Variants in CAMK1D observed in about 807,000 individuals in gnomAD.
CAMK1D encodes calcium/calmodulin dependent protein kinase ID.
A neutral mutation model predicts 47.7 loss-of-function variants in CAMK1D; 9 were observed. The ratio of observed to expected loss-of-function variants is 0.19; its 90% confidence interval spans 0.11 to 0.33. The LOEUF is 0.33. Ranked by LOEUF, CAMK1D falls within the 10% of genes least tolerant of loss-of-function variation. The pLI is 1.00. For missense variants in CAMK1D, 291 were observed against 488.7 expected (o/e 0.60, Z 3.81); for synonymous variants, 184 against 184.9 (o/e 0.99, Z 0.04).
Position 12,534,061 on chromosome 10 carries a change from T to C in CAMK1D, c.93-19164T>C, listed in dbSNP as rs144820653. On this transcript the variant is annotated intron_variant, in intron 1 of 10. Coordinates refer to ENST00000619168, the MANE Select transcript of CAMK1D (RefSeq NM_153498.4). ...GTTGCCTGGAGTGTCATTGGCTACC[T>C]CCAGCTGAAAGGGAATTTTGGGGAC... Among the ~76,000 whole-genome samples the C allele has an allele frequency of 3.5e-4, 54 of 152,298 alleles. 1 individual carries two copies. In the East Asian group the frequency reaches 8.7e-3, roughly 24 times the overall value.
intron 2 of CAMK1D, among the ~76,000 whole-genome samples, chr10:12,583,318 C>T (rs12264854): frequency 0.031 from 4,774 of 151,970 alleles, 246 homozygotes; most frequent in African/African-American, 0.11. Flanking sequence ...TAGTGTGTGA[C>T]GTAAAAGAAA....
intron 1 of CAMK1D, among the ~76,000 whole-genome samples, chr10:12,407,523 A>T (rs1488661523): frequency 6.6e-6 from 1 of 152,066 alleles, no homozygotes; most frequent in East Asian, 1.9e-4. Context: ...CCTTCTCTCC[A>T]GCTCCCTCCT....
intron 3 of CAMK1D, among the ~76,000 whole-genome samples, chr10:12,735,009 C>T (rs1469369713): frequency 6.6e-6 from 1 of 152,172 alleles, no homozygotes; most frequent in East Asian, 1.9e-4. Flanking sequence ...TGATTCCAAG[C>T]ATTTACCTAG....
At chr10:12,727,084 G>A (rs960949837) in intron 3 of CAMK1D, among the ~76,000 whole-genome samples, 16 of 152,346 alleles carry the variant, frequency 1.1e-4, no homozygotes, top group Non-Finnish European at 2.1e-4. Context: ...TGGCACATGT[G>A]CTGACGGAGG....
At chr10:12,370,427 G>A (rs1837970253) in intron 1 of CAMK1D, among the ~76,000 whole-genome samples, 1 of 152,054 alleles carries the variant, frequency 6.6e-6, no homozygotes, top group Non-Finnish European at 1.5e-5. Context: ...AAAGTCAACG[G>A]TAGAACAGCC....
chr10:12,581,921 T>C (rs879685167), intron 2 of CAMK1D, among the ~76,000 whole-genome samples: 6 of 152,228 alleles, frequency 3.9e-5, no homozygotes, highest in Non-Finnish European at 8.8e-5. Flanking sequence ...TCTTTGTTTT[T>C]GTTGCATTTG....
intron 1 of CAMK1D, among the ~76,000 whole-genome samples, chr10:12,535,584 C>G (rs1403574297): frequency 6.6e-5 from 10 of 152,172 alleles, no homozygotes; most frequent in Admixed American, 4.6e-4. Context: ...CCCTGGGCCT[C>G]TTTAGTTAGG....
intron 1 of CAMK1D, among the ~76,000 whole-genome samples, chr10:12,446,919 T>C (rs906861968): frequency 6.6e-6 from 1 of 152,178 alleles, no homozygotes; most frequent in African/African-American, 2.4e-5. Context: ...ATACCTTAAA[T>C]TGGGCTAAAT....
intron 5 of CAMK1D, among the ~76,000 whole-genome samples, chr10:12,777,760 G>A (rs1278259594): frequency 2.0e-5 from 3 of 152,200 alleles, no homozygotes; most frequent in African/African-American, 7.2e-5. Flanking sequence ...AAGTACACCA[G>A]CATGATGTCC....
At chr10:12,410,959 G>A (rs1374505008) in intron 1 of CAMK1D, among the ~76,000 whole-genome samples, 2 of 152,120 alleles carry the variant, frequency 1.3e-5, no homozygotes, top group Non-Finnish European at 2.9e-5. Flanking sequence ...TGGGGTGGTC[G>A]TGTGTACCAG....
At chr10:12,743,022 G>T (rs1835500392) in intron 3 of CAMK1D, among the ~76,000 whole-genome samples, 1 of 152,198 alleles carries the variant, frequency 6.6e-6, no homozygotes, top group Non-Finnish European at 1.5e-5. Flanking sequence ...AAAAGAGGAA[G>T]AGTAAAGACA....
intron 2 of CAMK1D, among the ~76,000 whole-genome samples, chr10:12,623,127 T>TCTTCCCTC (rs1249875257): frequency 5.5e-4 from 29 of 53,050 alleles, no homozygotes; most frequent in Non-Finnish European, 9.7e-4. Context: ...CTTCTTTCCT[T>TCTTCCCTC]CCTCCCTCCC....
chr10:12,638,917 G>T (rs570844816), intron 2 of CAMK1D, among the ~76,000 whole-genome samples: 1 of 152,148 alleles, frequency 6.6e-6, no homozygotes, highest in Non-Finnish European at 1.5e-5. Context: ...ACTTCTCTCC[G>T]CATCCTTGTC....
chr10:12,634,945 A>C (rs1419431293), intron 2 of CAMK1D, among the ~76,000 whole-genome samples: 1 of 152,166 alleles, frequency 6.6e-6, no homozygotes, highest in South Asian at 2.1e-4. Flanking sequence ...TTCTTTGTTT[A>C]GTTGCTCACT....
intron 3 of CAMK1D, among the ~76,000 whole-genome samples, chr10:12,755,020 C>T (rs1437943026): frequency 1.3e-5 from 2 of 151,966 alleles, no homozygotes; most frequent in African/African-American, 2.4e-5. Context: ...ATACAGGTGG[C>T]TAAATATAGC....
chr10:12,611,827 AGGCGATCTACCCGCCTC>A (rs1320173821), intron 2 of CAMK1D, among the ~76,000 whole-genome samples: 1 of 151,996 alleles, frequency 6.6e-6, no homozygotes, highest in Non-Finnish European at 1.5e-5. Flanking sequence ...TCCTGACCTC[AGGCGATCTACCCGCCTC>A]GGCCTCCCAA....
At chr10:12,555,353 G>A (rs185657800) in intron 2 of CAMK1D, among the ~76,000 whole-genome samples, 1 of 152,306 alleles carries the variant, frequency 6.6e-6, no homozygotes, top group Admixed American at 6.5e-5. Context: ...GCTACAGCAT[G>A]CGGGATAAGT....
chr10:12,403,333 G>A (rs1839296350), intron 1 of CAMK1D, among the ~76,000 whole-genome samples: 1 of 152,238 alleles, frequency 6.6e-6, no homozygotes, highest in African/African-American at 2.4e-5. Context: ...GGTTTCAGGT[G>A]GACGTTGTTC....
At chr10:12,554,846 C>T (rs536558864) in intron 2 of CAMK1D, among the ~76,000 whole-genome samples, 1 of 152,320 alleles carries the variant, frequency 6.6e-6, no homozygotes, top group East Asian at 1.9e-4. Context: ...GCCTGGCTCC[C>T]AGAACCATTC....
Sources: gnomAD v4.1 joint callset for allele counts (sites outside exome capture counted in the v4.1 genomes callset) on GRCh38, gnomAD v4.1.1 for gene constraint, MANE v1.5 for transcripts, NCBI Gene and HGNC (gene_info 2026-07-23, HGNC 2026-07-21) for gene names.